CDK14: variants seen among roughly 807,000 people sequenced by gnomAD.
The protein encoded by CDK14 is cyclin-dependent kinase 14.
In CDK14, 34 loss-of-function variants were observed where a neutral mutation model predicts 60.7. That is an observed-to-expected ratio of 0.56 (90% CI 0.43 to 0.75). The LOEUF (loss-of-function observed/expected upper bound fraction) is 0.75, where lower values mean the gene tolerates loss of function less well. Among genes scored for constraint, CDK14 ranks in the 30% least tolerant of loss-of-function variants. The pLI, the probability that CDK14 is intolerant of heterozygous loss-of-function variation, is 0.00. For missense variants in CDK14, 482 were observed against 564.1 expected, an observed-to-expected ratio of 0.85 and a Z score of 1.47; for synonymous variants, 197 against 203.7, an observed-to-expected ratio of 0.97 and a Z score of 0.28.
At chr7:91,063,592 A>G (rs1048963322) in intron 11 of CDK14, among the ~76,000 whole-genome samples, 2 of 152,212 alleles carry the variant, frequency 1.3e-5, no homozygotes, top group African/African-American at 4.8e-5. Context: ...TCTCAACTGT[A>G]AAAAAGGAGG....
chr7:90,710,268 G>A, intron 2 of CDK14: 1 of 985,260 alleles, frequency 1.0e-6, no homozygotes, highest in Non-Finnish European at 1.2e-6. Context: ...TGCCATATCT[G>A]AGTCTTATTC....
At chr7:90,737,755 G>A (rs1008233275) in intron 3 of CDK14, among the ~76,000 whole-genome samples, 1 of 152,194 alleles carries the variant, frequency 6.6e-6, no homozygotes, top group Non-Finnish European at 1.5e-5. Flanking sequence ...ATTTAATGGA[G>A]TCACGTGGTT....
intron 5 of CDK14, among the ~76,000 whole-genome samples, chr7:90,846,174 TGA>T (rs1475694976): frequency 1.3e-5 from 2 of 152,144 alleles, no homozygotes; most frequent in Admixed American, 6.5e-5. Flanking sequence ...TCAAGTTCCT[TGA>T]GCTTAGAATG....
chr7:91,142,735 G>A (rs1161601343), intron 14 of CDK14, among the ~76,000 whole-genome samples: 1 of 152,166 alleles, frequency 6.6e-6, no homozygotes, highest in African/African-American at 2.4e-5. Context: ...ACATAATGTT[G>A]TACACAAAGT....
chr7:90,761,576 A>G (rs966866561), intron 4 of CDK14, among the ~76,000 whole-genome samples: 1 of 152,180 alleles, frequency 6.6e-6, no homozygotes, highest in African/African-American at 2.4e-5. Flanking sequence ...GTGGTTCTCA[A>G]CTAGGGATAA....
At chr7:90,858,848 A>C (rs557917357) in intron 5 of CDK14, among the ~76,000 whole-genome samples, 1 of 152,360 alleles carries the variant, frequency 6.6e-6, no homozygotes, top group Non-Finnish European at 1.5e-5. Context: ...GCTTAAGGCT[A>C]CTGGGCTAGT....
rs1442680213 is a variant in CDK14 at position 91,019,008 on chromosome 7, A to ACCTAATCCT, written c.1042-26889_1042-26888insCCTAATCCT. Among the ~76,000 whole-genome samples the ACCTAATCCT allele has an allele frequency of 3.3e-4, 51 of 152,332 alleles. No individual in the cohort carries two copies. The East Asian group carries it at 8.7e-3, about 26-fold the overall frequency. On this transcript the variant is annotated intron_variant, in intron 10 of 14. Coordinates refer to ENST00000380050, the MANE Select transcript of CDK14 (RefSeq NM_001287135.2). ...TCCTAATACCATCACATTGGGGATT[A>ACCTAATCCT]GGTTTTAGCCTGTGAATTCTGGGGG...
intron 6 of CDK14, among the ~76,000 whole-genome samples, chr7:90,882,620 A>C (rs1791800907): frequency 6.6e-6 from 1 of 152,148 alleles, no homozygotes; most frequent in African/African-American, 2.4e-5. Context: ...AGAACTCTCT[A>C]CCCCAAATCA....
intron 8 of CDK14, among the ~76,000 whole-genome samples, chr7:90,941,091 C>T (rs1793918114): frequency 6.6e-6 from 1 of 152,142 alleles, no homozygotes. Context: ...GGTGACAAAT[C>T]AGAGGTGCCA....
intron 12 of CDK14, among the ~76,000 whole-genome samples, chr7:91,093,276 A>G (rs1436606005): frequency 2.6e-5 from 4 of 152,186 alleles, no homozygotes; most frequent in East Asian, 1.9e-4. Context: ...TGCGTTGATC[A>G]ATCTGGACCT....
chr7:90,613,354 G>A (rs1354819910), intron 2 of CDK14, among the ~76,000 whole-genome samples: 3 of 152,190 alleles, frequency 2.0e-5, no homozygotes, highest in Non-Finnish European at 1.5e-5. Flanking sequence ...CTGCTGTAAG[G>A]GTGGTTAGTG....
intron 10 of CDK14, among the ~76,000 whole-genome samples, chr7:90,990,855 A>G (rs964944190): frequency 6.6e-6 from 1 of 152,182 alleles, no homozygotes; most frequent in Non-Finnish European, 1.5e-5. Flanking sequence ...TAATCATTGC[A>G]TATTTTTACC....
At chr7:91,135,854 C>T (rs77488108) in intron 14 of CDK14, among the ~76,000 whole-genome samples, 2,815 of 152,186 alleles carry the variant, frequency 0.018, 44 homozygotes, top group Non-Finnish European at 0.025. Flanking sequence ...TGTTCTTACA[C>T]AAAATACTCT....
intron 11 of CDK14, among the ~76,000 whole-genome samples, chr7:91,058,984 A>G (rs1294987169): frequency 1.3e-5 from 2 of 152,258 alleles, no homozygotes; most frequent in Non-Finnish European, 2.9e-5. Flanking sequence ...GAATGGTACC[A>G]GCTCCTCCTT....
intron 3 of CDK14, among the ~76,000 whole-genome samples, chr7:90,747,109 A>G (rs1458115853): frequency 6.6e-6 from 1 of 152,202 alleles, no homozygotes; most frequent in Non-Finnish European, 1.5e-5. Flanking sequence ...GTAAAACTTT[A>G]TGAACACTAA....
intron 7 of CDK14, among the ~76,000 whole-genome samples, chr7:90,901,963 C>T (rs948770742): frequency 2.6e-5 from 4 of 151,752 alleles, no homozygotes; most frequent in African/African-American, 9.7e-5. Context: ...TATTTCTTCC[C>T]CAATAATGAG....
chr7:90,878,905 A>G (rs1298727805), intron 6 of CDK14, among the ~76,000 whole-genome samples: 1 of 152,262 alleles, frequency 6.6e-6, no homozygotes, highest in Non-Finnish European at 1.5e-5. Context: ...ATATGTATGT[A>G]TTTAATGTTC....
Position 90,726,802 on chromosome 7 carries a change from G to A in CDK14, c.359G>A (p.Ser120Asn), listed in dbSNP as rs138436598. 737 of 1,613,350 alleles carry A rather than the reference G, an allele frequency of 4.6e-4. 1 individual carries two copies. The highest frequency in any genetic ancestry group is 5.9e-4 in the Non-Finnish European group (697 of 1,179,728). The change falls in exon 3 of 15, where the codon AGC (serine) becomes AAC (asparagine). Residue 120 changes from serine (S) to asparagine (N), a missense_variant. By Grantham distance (46) the Ser-to-Asn change is conservative. Transcript: ENST00000380050. ...TCACCTAAAGTTAGGCGGCACTCCAGCCCCAGCTCGGTAAGTGCAGTCTTT... is the reference window on the plus strand; with the variant it reads ...TCACCTAAAGTTAGGCGGCACTCCAACCCCAGCTCGGTAAGTGCAGTCTTT... ...KESPKVRRHS[S>N]PSSPTSPKFG...
chr7:90,691,193 G>T (rs867263055), intron 2 of CDK14, among the ~76,000 whole-genome samples: 45 of 152,102 alleles, frequency 3.0e-4, no homozygotes, highest in African/African-American at 1.1e-3. Context: ...TGTGGACCAT[G>T]AGGGTACAAC....
Sources: allele counts gnomAD v4.1 joint callset (sites outside exome capture counted in the v4.1 genomes callset), GRCh38; gene constraint gnomAD v4.1.1; transcripts MANE v1.5; gene names NCBI Gene and HGNC (gene_info 2026-07-23, HGNC 2026-07-21).